The following PLSCR5 variants were observed in gnomAD, a reference collection of about 807,000 sequenced individuals.
PLSCR5 encodes phospholipid scramblase family, member 5.
PLSCR5 carries 44 observed loss-of-function variants against 33.6 expected under a neutral mutation model. That is an observed-to-expected ratio of 1.31 (90% CI 1.03 to 1.69). The LOEUF (loss-of-function observed/expected upper bound fraction) is 1.69. Ranked by LOEUF, PLSCR5 falls within the 40% of genes most tolerant of loss-of-function variation. The pLI is 0.00. For synonymous variants in PLSCR5, 148 were observed against 112.3 expected, an observed-to-expected ratio of 1.32 and a Z score of -2.01; for missense variants, 375 against 318.7, an observed-to-expected ratio of 1.18 and a Z score of -1.34.
intron 5 of PLSCR5, among the ~76,000 whole-genome samples, chr3:146,591,278 G>A (rs964984666): frequency 6.6e-6 from 1 of 151,838 alleles, no homozygotes; most frequent in Non-Finnish European, 1.5e-5. Context: ...ATCTTAAAAA[G>A]GCAAAGCTAT....
downstream of PLSCR5, among the ~76,000 whole-genome samples, chr3:146,582,952 C>T (rs1159160820): frequency 2.0e-5 from 3 of 152,096 alleles, no homozygotes; most frequent in African/African-American, 7.2e-5. Flanking sequence ...GTGGCTTCCA[C>T]CCAGAAGTGG....
At chr3:146,578,339 T>C (rs1319686215) in intron 7 of PLSCR5, among the ~76,000 whole-genome samples, 1 of 152,162 alleles carries the variant, frequency 6.6e-6, no homozygotes, top group East Asian at 1.9e-4. Flanking sequence ...ACAGATATAC[T>C]ATCAGTGGAT....
Position 146,586,092 on chromosome 3 carries a change from AT to A in PLSCR5, c.797del (p.His266LeufsTer41). The A allele has an allele frequency of 6.7e-7, 1 of 1,486,706 alleles. No individual in the cohort carries two copies. Among genetic ancestry groups the A allele is most frequent in the Non-Finnish European group, 9.0e-7 (1 of 1,115,498 alleles). 92.1% of individuals were successfully genotyped at this position (1,486,706 alleles called of 1,614,324 possible). A position where few individuals can be genotyped will look rare whatever the true frequency, so the allele number is the denominator to read the frequency against. ...CFLFDFMFFE[H>X]SLAGL ...TTGGTTATTATAATCCAGCCAGTGA[AT>A]GTTCAAAGAACATAAAATCCTACAA... On this transcript the variant is annotated frameshift_variant, in exon 7 of 8. Transcript: ENST00000443512. LOFTEE classifies it high-confidence loss of function.
At chr3:146,596,333 T>C (rs1047732809) in intron 2 of PLSCR5, among the ~76,000 whole-genome samples, 24 of 152,114 alleles carry the variant, frequency 1.6e-4, no homozygotes, top group African/African-American at 5.1e-4. Flanking sequence ...GGATTACAGG[T>C]GCACGCCACC....
At chr3:146,579,937 G>A (rs2107845253) in intron 7 of PLSCR5, among the ~76,000 whole-genome samples, 1 of 152,246 alleles carries the variant, frequency 6.6e-6, no homozygotes, top group East Asian at 1.9e-4. Context: ...TTTCTTCTGT[G>A]CCTTTGTTTG....
At position 146,589,673 on chromosome 3, in the gene PLSCR5, T is replaced by C. The variant is rs201777851; in HGVS notation, c.757A>G (p.Ile253Val). The C allele has an allele frequency of 1.5e-4, 235 of 1,592,650 alleles. 1 individual carries two copies. The Middle Eastern group carries it at 3.0e-3, about 20-fold the overall frequency. The change falls in exon 6 of 8, where the codon ATC becomes GTC. Residue 253 changes from isoleucine to valine, a missense_variant. Coordinates refer to ENST00000443512, the MANE Select transcript of PLSCR5 (RefSeq NM_001085420.2). Reference protein sequence around the residue: ...DLDVTVKAAMIGACFLFDFMF... With the variant: ...DLDVTVKAAMVGACFLFDFMF... ...CTTACAAAGAGAAAACAGGCACCGA[T>C]CATTGCTGCTTTGACTGTTACATCT... is the stretch of plus-strand genomic sequence containing the variant.
intron 2 of PLSCR5, 30 bp downstream of exon 2, chr3:146,600,258 A>T (rs374466260): frequency 2.8e-6 from 4 of 1,417,308 alleles, no homozygotes; most frequent in Non-Finnish European, 2.8e-6. Flanking sequence ...AGGGTAGAAC[A>T]TATCTGTAGT....
intron 2 of PLSCR5, among the ~76,000 whole-genome samples, chr3:146,597,227 T>A (rs1001774109): frequency 2.0e-5 from 3 of 152,182 alleles, no homozygotes; most frequent in Admixed American, 1.3e-4. Context: ...ACAGTTTTTT[T>A]AATTGAATAA....
At chr3:146,582,426 T>G (rs984067016), downstream of PLSCR5, among the ~76,000 whole-genome samples, 1 of 152,164 alleles carries the variant, frequency 6.6e-6, no homozygotes, top group Non-Finnish European at 1.5e-5. Context: ...AGAGTGGAGC[T>G]ACCAGAAATT....
At chr3:146,599,054 A>G (rs1314455683) in intron 2 of PLSCR5, among the ~76,000 whole-genome samples, 1 of 152,234 alleles carries the variant, frequency 6.6e-6, no homozygotes, top group Non-Finnish European at 1.5e-5. Context: ...TGAAAATTGC[A>G]GCAGATGTGC....
intron 6 of PLSCR5, among the ~76,000 whole-genome samples, chr3:146,587,887 T>C (rs999568380): frequency 2.0e-5 from 3 of 151,768 alleles, no homozygotes; most frequent in South Asian, 2.1e-4. Flanking sequence ...TATGCATATA[T>C]ATATACATAT....
chr3:146,594,865 C>T (rs2107854899), intron 3 of PLSCR5, among the ~76,000 whole-genome samples, 176 bp downstream of exon 3: 1 of 152,164 alleles, frequency 6.6e-6, no homozygotes, highest in African/African-American at 2.4e-5. Flanking sequence ...CTAAATAAGA[C>T]TAATAATTTT....
intron 5 of PLSCR5, 166 bp from the exon 6 acceptor site, chr3:146,589,980 A>G: frequency 4.5e-6 from 2 of 447,568 alleles, no homozygotes; most frequent in Non-Finnish European, 7.4e-6. Flanking sequence ...TTGTAAATTT[A>G]GCTTTTCAGT....
At chr3:146,588,675 C>T (rs1435868482) in intron 6 of PLSCR5, among the ~76,000 whole-genome samples, 1 of 152,004 alleles carries the variant, frequency 6.6e-6, no homozygotes, top group Non-Finnish European at 1.5e-5. Context: ...TCAGAAAGGA[C>T]ATCATTATGC....
At chr3:146,593,388 G>T (rs563979997) in intron 4 of PLSCR5, among the ~76,000 whole-genome samples, 1 of 152,028 alleles carries the variant, frequency 6.6e-6, no homozygotes, top group Non-Finnish European at 1.5e-5. Flanking sequence ...AAATAATAAC[G>T]TAAATCTATT....
chr3:146,597,410 A>C (rs1560109554), intron 2 of PLSCR5, among the ~76,000 whole-genome samples: 1 of 152,132 alleles, frequency 6.6e-6, no homozygotes. Context: ...TCTGACATGC[A>C]TTCTATTCTG....
chr3:146,597,434 A>C lies in PLSCR5; in HGVS notation c.190-2351T>G, dbSNP rs148585584. 5.9e-3 allele frequency among the ~76,000 whole-genome samples: 904 copies of C among 152,286 alleles called. 8 individuals are homozygous for C. Among genetic ancestry groups the C allele is most frequent in the African/African-American group, 0.021 (854 of 41,558 alleles). ...CATTCTATTCTGTTTCTTTACGGACATCACTACGCTAAATTTAAGGGAAAT... is the reference window on the plus strand; with the variant it reads ...CATTCTATTCTGTTTCTTTACGGACCTCACTACGCTAAATTTAAGGGAAAT... On this transcript the variant is annotated intron_variant, in intron 2 of 7. Coordinates refer to ENST00000443512, the MANE Select transcript of PLSCR5 (RefSeq NM_001085420.2).
downstream of PLSCR5, among the ~76,000 whole-genome samples, chr3:146,582,188 G>C (rs1336722088): frequency 1.3e-5 from 2 of 152,184 alleles, no homozygotes; most frequent in African/African-American, 4.8e-5. Flanking sequence ...TGGGTCCTGG[G>C]TTGAATTCTT....
At chr3:146,588,234 G>A (rs2044680674) in intron 6 of PLSCR5, among the ~76,000 whole-genome samples, 1 of 152,122 alleles carries the variant, frequency 6.6e-6, no homozygotes, top group Non-Finnish European at 1.5e-5. Flanking sequence ...ACTTTGGGAG[G>A]CCAAAGCGGG....
Sources: gnomAD v4.1 joint callset for allele counts (sites outside exome capture counted in the v4.1 genomes callset) on GRCh38, gnomAD v4.1.1 for gene constraint, MANE v1.5 for transcripts, NCBI Gene and HGNC (gene_info 2026-07-23, HGNC 2026-07-21) for gene names.